GLG1: variants seen among roughly 807,000 people sequenced by gnomAD.
GLG1 encodes golgi glycoprotein 1, also known as Golgi apparatus protein 1.
A neutral mutation model predicts 160.5 loss-of-function variants in GLG1; 38 were observed. That is an observed-to-expected ratio of 0.24 (90% CI 0.18 to 0.31). The LOEUF (loss-of-function observed/expected upper bound fraction) is 0.31, where lower values mean the gene tolerates loss of function less well. Ranked by LOEUF, GLG1 falls within the 10% of genes least tolerant of loss-of-function variation. The probability of loss-of-function intolerance (pLI) is 1.00; values close to 1 mark genes in which losing one functional copy is unlikely to be tolerated. For synonymous variants in GLG1, 644 were observed against 543.4 expected (o/e 1.19, Z -2.57); for missense variants, 1,373 against 1,505.2 (o/e 0.91, Z 1.45).
intron 2 of GLG1, among the ~76,000 whole-genome samples, chr16:74,527,082 G>C (rs4887773): frequency 0.99 from 151,445 of 152,228 alleles, 75,340 homozygotes; most frequent in Middle Eastern, 1. Flanking sequence ...GGTCACAGTC[G>C]AAATTGAATT....
chr16:74,553,271 A>G (rs1009844538), intron 1 of GLG1, among the ~76,000 whole-genome samples: 2 of 151,642 alleles, frequency 1.3e-5, no homozygotes, highest in African/African-American at 4.8e-5. Flanking sequence ...TATGTTGCCC[A>G]TGCTGGTCTT....
intron 2 of GLG1, among the ~76,000 whole-genome samples, chr16:74,518,131 AATT>A (rs977692981): frequency 6.6e-6 from 1 of 152,154 alleles, no homozygotes; most frequent in Non-Finnish European, 1.5e-5. Flanking sequence ...TACCCAAAGT[AATT>A]TATAGAGTCA....
intron 1 of GLG1, among the ~76,000 whole-genome samples, chr16:74,561,675 G>A (rs1438727152): frequency 6.6e-6 from 1 of 152,138 alleles, no homozygotes; most frequent in Non-Finnish European, 1.5e-5. Context: ...AATTACCTAT[G>A]ATAACCCATT....
intron 1 of GLG1, among the ~76,000 whole-genome samples, chr16:74,568,480 T>C (rs1261815126): frequency 6.6e-6 from 1 of 151,194 alleles, no homozygotes; most frequent in Non-Finnish European, 1.5e-5. Flanking sequence ...TGCAATGGCA[T>C]GATCTCGGCT....
intron 1 of GLG1, among the ~76,000 whole-genome samples, chr16:74,569,654 G>A (rs1007157422): frequency 2.0e-5 from 3 of 152,014 alleles, no homozygotes; most frequent in Non-Finnish European, 4.4e-5. Flanking sequence ...CTGAGGTCAG[G>A]AGCTCAAGAC....
intron 2 of GLG1, among the ~76,000 whole-genome samples, chr16:74,531,914 T>A (rs577321112): frequency 6.6e-6 from 1 of 152,268 alleles, no homozygotes; most frequent in East Asian, 1.9e-4. Flanking sequence ...AAAACTTAAG[T>A]ACGTAAATAT....
intron 18 of GLG1, 44 bp from the exon 19 acceptor site, chr16:74,465,857 T>C (rs376513429): frequency 6.4e-7 from 1 of 1,552,582 alleles, no homozygotes; most frequent in Non-Finnish European, 8.9e-7. Flanking sequence ...TGTCAGAGAC[T>C]GCTCATCCAT....
intron 1 of GLG1, among the ~76,000 whole-genome samples, chr16:74,544,977 A>G (rs1340913696): frequency 6.6e-6 from 1 of 151,816 alleles, no homozygotes; most frequent in Non-Finnish European, 1.5e-5. Context: ...CAAAAATAAG[A>G]AAAAAATACA....
At chr16:74,571,023 C>T (rs1274054813) in intron 1 of GLG1, among the ~76,000 whole-genome samples, 1 of 152,008 alleles carries the variant, frequency 6.6e-6, no homozygotes, top group Non-Finnish European at 1.5e-5. Flanking sequence ...GGCTACCTGA[C>T]CTGCTTTGGT....
intron 1 of GLG1, among the ~76,000 whole-genome samples, chr16:74,592,799 A>G (rs950753669): frequency 6.6e-6 from 1 of 152,096 alleles, no homozygotes; most frequent in Non-Finnish European, 1.5e-5. Flanking sequence ...TTTATTTCAT[A>G]TATAATAGGT....
At chr16:74,583,233 A>G (rs1005431436) in intron 1 of GLG1, among the ~76,000 whole-genome samples, 2 of 152,222 alleles carry the variant, frequency 1.3e-5, no homozygotes, top group African/African-American at 4.8e-5. Context: ...TAGCCTTATA[A>G]GCAGGATGAC....
intron 3 of GLG1, among the ~76,000 whole-genome samples, chr16:74,504,109 A>C (rs745316640): frequency 6.6e-6 from 1 of 152,198 alleles, no homozygotes; most frequent in Non-Finnish European, 1.5e-5. Flanking sequence ...AACCATGCAA[A>C]AAATGCAGGA....
intron 3 of GLG1, among the ~76,000 whole-genome samples, chr16:74,504,596 G>C (rs912767577): frequency 6.6e-6 from 1 of 152,142 alleles, no homozygotes; most frequent in East Asian, 1.9e-4. Context: ...CCTACTTCTT[G>C]ACATGACATT....
intron 1 of GLG1, among the ~76,000 whole-genome samples, chr16:74,583,973 A>G (rs531490610): frequency 2.6e-5 from 4 of 152,148 alleles, no homozygotes; most frequent in Non-Finnish European, 5.9e-5. Flanking sequence ...TTTCCTAGGT[A>G]AGAAGTCCCC....
intron 2 of GLG1, among the ~76,000 whole-genome samples, chr16:74,512,164 T>C (rs565848797): frequency 1.4e-3 from 206 of 150,088 alleles, no homozygotes; most frequent in African/African-American, 4.9e-3. Flanking sequence ...TTATTTCTTT[T>C]TTTTTTTTTT....
At chr16:74,485,010 C>T (rs2015741768) in intron 9 of GLG1, among the ~76,000 whole-genome samples, 1 of 152,036 alleles carries the variant, frequency 6.6e-6, no homozygotes, top group South Asian at 2.1e-4. Flanking sequence ...AACTCCTGGG[C>T]TCAAGCAATC....
intron 4 of GLG1, among the ~76,000 whole-genome samples, chr16:74,498,603 G>A (rs1383051682): frequency 2.0e-5 from 3 of 149,150 alleles, no homozygotes; most frequent in East Asian, 3.9e-4. Context: ...GGTGGCTCAT[G>A]CCTGTAATCC....
intron 15 of GLG1, among the ~76,000 whole-genome samples, chr16:74,470,716 G>C (rs920353143): frequency 6.6e-6 from 1 of 152,006 alleles, no homozygotes; most frequent in Non-Finnish European, 1.5e-5. Flanking sequence ...CCAAAGTGCT[G>C]GAATTACAGG....
intron 1 of GLG1, among the ~76,000 whole-genome samples, chr16:74,543,729 T>C (rs976331533): frequency 5.3e-5 from 8 of 152,124 alleles, no homozygotes; most frequent in African/African-American, 1.9e-4. Context: ...AATCTCCAAA[T>C]CACATCTGTG....
Sources: allele counts gnomAD v4.1 joint callset (sites outside exome capture counted in the v4.1 genomes callset), GRCh38; gene constraint gnomAD v4.1.1; transcripts MANE v1.5; gene names NCBI Gene and HGNC (gene_info 2026-07-23, HGNC 2026-07-21).